MTHFD1: variants seen among roughly 807,000 people sequenced by gnomAD.
The protein encoded by MTHFD1 is methylenetetrahydrofolate dehydrogenase, cyclohydrolase and formyltetrahydrofolate synthetase 1.
Under a neutral mutation model 110.3 loss-of-function variants are expected in MTHFD1, and 44 were observed. That is an observed-to-expected ratio of 0.40 (90% CI 0.31 to 0.51). The LOEUF (loss-of-function observed/expected upper bound fraction) is 0.51. Among genes scored for constraint, MTHFD1 ranks in the 20% least tolerant of loss-of-function variants. The pLI is 0.60. For synonymous variants in MTHFD1, 402 were observed against 428.8 expected (o/e 0.94, Z 0.77); for missense variants, 909 against 1,173.1 (o/e 0.77, Z 3.29).
intron 8 of MTHFD1, among the ~76,000 whole-genome samples, chr14:64,421,817 G>A (rs2140960860): frequency 6.6e-6 from 1 of 151,990 alleles, no homozygotes; most frequent in African/African-American, 2.4e-5. Context: ...AGTAGAGACG[G>A]GGTTTCACCA....
At chr14:64,447,734 T>C (rs1372200311) in intron 22 of MTHFD1, among the ~76,000 whole-genome samples, 1 of 152,146 alleles carries the variant, frequency 6.6e-6, no homozygotes, top group Non-Finnish European at 1.5e-5. Flanking sequence ...ACGGCAGCCA[T>C]ATAACGAATA....
chr14:64,452,001 T>C (rs746562670), intron 24 of MTHFD1, among the ~76,000 whole-genome samples: 1 of 152,202 alleles, frequency 6.6e-6, no homozygotes, highest in African/African-American at 2.4e-5. Context: ...TTGCTCCTTT[T>C]AAAAACAAAA....
In MTHFD1 at chr14:64,453,743, T is replaced by C. The variant is rs1173800391; in HGVS notation, c.2458-11T>C. ...CAGTCATGGTGTCCCCATCTCTTTC[T>C]TGTGCATTAGCTCCCAGTTGAGGAT... On this transcript the variant is annotated splice_polypyrimidine_tract_variant and intron_variant, in intron 24 of 27. Coordinates refer to ENST00000652337, the MANE Select transcript of MTHFD1 (RefSeq NM_005956.4). 6.5e-7 allele frequency: 1 copy of C among 1,538,960 alleles called. No homozygotes were observed. The highest frequency in any genetic ancestry group is 9.0e-7 in the Non-Finnish European group (1 of 1,112,710).
intron 26 of MTHFD1, 85 bp downstream of exon 26, chr14:64,454,960 G>A (rs1412325063): frequency 2.9e-6 from 4 of 1,397,100 alleles, no homozygotes; most frequent in South Asian, 1.2e-5. Context: ...CAAATGCCAA[G>A]TGAGCAGAGT....
intron 1 of MTHFD1, among the ~76,000 whole-genome samples, chr14:64,393,940 T>C (rs1375885566): frequency 6.6e-6 from 1 of 152,126 alleles, no homozygotes; most frequent in Admixed American, 6.5e-5. Flanking sequence ...TCACTTTCCT[T>C]TCTGTGCAGT....
chr14:64,421,916 C>T (rs368172660), intron 8 of MTHFD1, among the ~76,000 whole-genome samples: 1 of 152,132 alleles, frequency 6.6e-6, no homozygotes, highest in African/African-American at 2.4e-5. Flanking sequence ...TGAGCCACCG[C>T]ACCCAGCAAG....
rs578057319 is a variant in MTHFD1, at chr14:64,440,883, G to T, written c.1816-502G>T. 1.3e-4 allele frequency: 33 copies of T among 247,960 alleles called. No individual in the cohort carries two copies. The South Asian group carries it at 1.7e-3, about 13-fold the overall frequency. 15.4% of individuals were successfully genotyped at this position (247,960 alleles called of 1,614,324 possible). ...GTTTTTCCAGATATTACATGTGAATGTCATTTGTATTCTATCTGGCAACTT... is the reference window on the plus strand; with the variant it reads ...GTTTTTCCAGATATTACATGTGAATTTCATTTGTATTCTATCTGGCAACTT... On this transcript the variant is annotated intron_variant, in intron 18 of 27. Transcript: ENST00000652337.
At chr14:64,405,516 T>C (rs533707410) in intron 2 of MTHFD1, among the ~76,000 whole-genome samples, 4 of 152,304 alleles carry the variant, frequency 2.6e-5, no homozygotes, top group African/African-American at 9.6e-5. Flanking sequence ...TTCGCTGTGG[T>C]GCTGGCACCA....
At chr14:64,421,608 T>TC in intron 8 of MTHFD1, among the ~76,000 whole-genome samples, 1 of 149,508 alleles carries the variant, frequency 6.7e-6, no homozygotes, top group Non-Finnish European at 1.5e-5. Flanking sequence ...AGTCTTTTTA[T>TC]TTATTTATTT....
At chr14:64,406,978 G>A (rs1175244823) in intron 2 of MTHFD1, among the ~76,000 whole-genome samples, 2 of 152,160 alleles carry the variant, frequency 1.3e-5, no homozygotes. Flanking sequence ...AATGAACCCA[G>A]ATCTGTCTCT....
At position 64,397,180 on chromosome 14, in the gene MTHFD1, TATATATATATAAAA is replaced by T. The variant is rs1246434018; in HGVS notation, c.42-3611_42-3598del. On this transcript the variant is annotated intron_variant, in intron 1 of 27. Transcript: ENST00000652337. ...ATATATATATATATATATATATATA[TATATATATATAAAA>T]AACAGTAATCTATTGGGGCAGGGGA... 4.5e-3 allele frequency among the ~76,000 whole-genome samples: 68 copies of T among 15,022 alleles called. 1 individual carries two copies. The highest frequency in any genetic ancestry group is 0.031 in the Middle Eastern group (1 of 32). The allele number at this position is 15,022 out of a possible 152,430, so 9.9% of individuals were successfully genotyped here. A position where few individuals can be genotyped will look rare whatever the true frequency, so the allele number is the denominator to read the frequency against.
intron 4 of MTHFD1, among the ~76,000 whole-genome samples, chr14:64,413,337 A>C (rs1381179775): frequency 6.6e-6 from 1 of 152,138 alleles, no homozygotes; most frequent in Non-Finnish European, 1.5e-5. Flanking sequence ...GGGAAAAAAG[A>C]GCAAAACTCC....
chr14:64,435,608 G>C lies in MTHFD1; in HGVS notation c.1534G>C (p.Asp512His). ...IEKTDPTTLT[D>H]EEINRFARLD... ...AAAGACTGACCCTACCACACTGACA[G>C]ATGAAGAGATAAACAGATTTGCAAG... Residue 512 changes from aspartate (D) to histidine (H), a missense_variant, in exon 16 of 28, where the codon GAT becomes CAT. Transcript: ENST00000652337. 6.2e-7 allele frequency: 1 copy of C among 1,612,430 alleles called. No individual in the cohort carries two copies. Among genetic ancestry groups the C allele is most frequent in the Non-Finnish European group, 8.5e-7 (1 of 1,178,480 alleles).
intron 2 of MTHFD1, among the ~76,000 whole-genome samples, chr14:64,410,407 TG>T (rs34498014): frequency 0.43 from 63,688 of 148,592 alleles, 14,217 homozygotes; most frequent in African/African-American, 0.55. Flanking sequence ...TTTGTAAAGA[TG>T]GGGGGGGGGG....
chr14:64,411,888 T>C (rs867087956), intron 3 of MTHFD1, among the ~76,000 whole-genome samples: 1 of 148,278 alleles, frequency 6.7e-6, no homozygotes, highest in Non-Finnish European at 1.5e-5. Context: ...GCAATAAGAG[T>C]GAAGCTCCAA....
chr14:64,453,711 A>T, intron 24 of MTHFD1, 43 bp from the exon 25 acceptor site: 1 of 1,180,290 alleles, frequency 8.5e-7, no homozygotes, highest in Non-Finnish European at 1.3e-6. Flanking sequence ...ATGTCCTCAC[A>T]TGTGTCCAGT....
chr14:64,448,749 G>A (rs951808427), intron 23 of MTHFD1, among the ~76,000 whole-genome samples: 3 of 152,080 alleles, frequency 2.0e-5, no homozygotes, highest in African/African-American at 7.2e-5. Context: ...TTGCATTGGT[G>A]GTCAGGGTTT....
chr14:64,408,990 CT>C (rs2077961061), intron 2 of MTHFD1, among the ~76,000 whole-genome samples: 1 of 152,118 alleles, frequency 6.6e-6, no homozygotes, highest in Admixed American at 6.6e-5. Context: ...CTAAGAGTGA[CT>C]CTTTGAATTG....
intron 2 of MTHFD1, among the ~76,000 whole-genome samples, chr14:64,404,581 C>T (rs139500074): frequency 1.3e-5 from 2 of 152,298 alleles, no homozygotes; most frequent in East Asian, 3.9e-4. Flanking sequence ...AGAGTTTCAC[C>T]CAAGTTGGAC....
Sources: allele counts gnomAD v4.1 joint callset (sites outside exome capture counted in the v4.1 genomes callset), GRCh38; gene constraint gnomAD v4.1.1; transcripts MANE v1.5; gene names NCBI Gene and HGNC (gene_info 2026-07-23, HGNC 2026-07-21).